GPR155: variants seen among roughly 807,000 people sequenced by gnomAD.
GPR155 encodes the protein lysosomal cholesterol signaling protein.
Under a neutral mutation model 93.1 loss-of-function variants are expected in GPR155, and 65 were observed. That is an observed-to-expected ratio of 0.70 (90% CI 0.57 to 0.86). The LOEUF is 0.86. Among genes scored for constraint, GPR155 ranks in the 40% least tolerant of loss-of-function variants. The pLI is 0.00. For missense variants in GPR155, 838 were observed against 1,034.8 expected, an observed-to-expected ratio of 0.81 and a Z score of 2.61; for synonymous variants, 319 against 360.1, an observed-to-expected ratio of 0.89 and a Z score of 1.29.
At chr2:174,440,915 T>C (rs146908054) in intron 14 of GPR155, among the ~76,000 whole-genome samples, 434 of 152,310 alleles carry the variant, frequency 2.8e-3, no homozygotes, top group African/African-American at 1.0e-2. Flanking sequence ...GTCAGTTTGA[T>C]AAAAAGAGAA....
At chr2:174,442,009 A>T (rs1686980589) in intron 14 of GPR155, 110 bp downstream of exon 14, 2 of 696,022 alleles carry the variant, frequency 2.9e-6, no homozygotes, top group African/African-American at 1.8e-5. Context: ...TGGCCTCCCA[A>T]AGTACTGGGA....
chr2:174,458,859 G>A (rs1240403729), intron 10 of GPR155, among the ~76,000 whole-genome samples: 8 of 152,024 alleles, frequency 5.3e-5, no homozygotes, highest in African/African-American at 9.7e-5. Flanking sequence ...AGGCCGAGGC[G>A]GGTGGATCAC....
At chr2:174,473,868 A>G (rs1688069104) in intron 2 of GPR155, among the ~76,000 whole-genome samples, 1 of 152,214 alleles carries the variant, frequency 6.6e-6, no homozygotes, top group Non-Finnish European at 1.5e-5. Flanking sequence ...GCTGTGTAAG[A>G]AAAGAAATGA....
chr2:174,462,213 C>T (rs1468468772), intron 7 of GPR155, among the ~76,000 whole-genome samples: 2 of 152,070 alleles, frequency 1.3e-5, no homozygotes, highest in Non-Finnish European at 2.9e-5. Flanking sequence ...GCTGGGATTA[C>T]AGGCATGAGC....
intron 4 of GPR155, among the ~76,000 whole-genome samples, chr2:174,469,622 A>G (rs1687936177): frequency 6.6e-6 from 1 of 152,192 alleles, no homozygotes; most frequent in Non-Finnish European, 1.5e-5. Context: ...GTTATTATGC[A>G]GTATTTTGCA....
At chr2:174,484,875 C>T (rs562334146) in intron 1 of GPR155, among the ~76,000 whole-genome samples, 52 of 152,272 alleles carry the variant, frequency 3.4e-4, no homozygotes, top group African/African-American at 1.2e-3. Flanking sequence ...GAGCCATGAT[C>T]ACACCACTGC....
rs759396641 is a variant in GPR155 at position 174,473,230 on chromosome 2, C to A, written c.595G>T (p.Ala199Ser). Residue 199 changes from alanine to serine, a missense_variant, in exon 3 of 16, where the codon GCT (alanine) becomes TCT (serine). Around this residue, in one of 3 missense-constraint regions of GPR155, gnomAD observed 663 missense variants for 790.1 expected, o/e 0.84. Transcript: ENST00000392552. ...ACAATTTTTATTTTATTTTGAGAAG[C>A]ATTTTGAGTGTCTTTCCACTTTTGG... ...EIQKWKDTQN[A>S]SQNKIKIVGL... 39 of 1,613,712 alleles carry A rather than the reference C, an allele frequency of 2.4e-5. No homozygotes were observed. Among genetic ancestry groups the A allele is most frequent in the Non-Finnish European group, 3.1e-5 (36 of 1,179,840 alleles).
At chr2:174,443,407 C>T (rs12478447) in intron 13 of GPR155, among the ~76,000 whole-genome samples, 5 of 152,096 alleles carry the variant, frequency 3.3e-5, no homozygotes, top group Admixed American at 3.3e-4. Context: ...TGACCTGATA[C>T]TCAGTCTGTG....
chr2:174,470,288 A>G (rs1221903381), intron 4 of GPR155, 102 bp downstream of exon 4: 34 of 988,306 alleles, frequency 3.4e-5, no homozygotes, highest in Non-Finnish European at 4.4e-6. Flanking sequence ...CGTCGTCTCT[A>G]TTTTTTCATT....
At chr2:174,476,759 T>C (rs1372119865) in intron 2 of GPR155, among the ~76,000 whole-genome samples, 1 of 152,196 alleles carries the variant, frequency 6.6e-6, no homozygotes, top group Admixed American at 6.5e-5. Flanking sequence ...CATTCATAAT[T>C]AGTAGTTCTT....
chr2:174,448,602 A>G (rs886641247), intron 11 of GPR155, among the ~76,000 whole-genome samples: 1 of 143,982 alleles, frequency 6.9e-6, no homozygotes, highest in Non-Finnish European at 1.5e-5. Flanking sequence ...CAGTGGCGCA[A>G]TCTCGGCTCA....
At chr2:174,475,051 T>C (rs1373454880) in intron 2 of GPR155, among the ~76,000 whole-genome samples, 1 of 151,678 alleles carries the variant, frequency 6.6e-6, no homozygotes, top group African/African-American at 2.4e-5. Context: ...ATCCCAGCAC[T>C]TTGGGAGGCC....
At chr2:174,439,635 T>G in intron 15 of GPR155, among the ~76,000 whole-genome samples, 1 of 152,216 alleles carries the variant, frequency 6.6e-6, no homozygotes, top group Non-Finnish European at 1.5e-5. Context: ...TTTGGTTCAC[T>G]CTAAACTGAA....
chr2:174,480,388 T>A (rs137930431), intron 2 of GPR155, among the ~76,000 whole-genome samples: 83 of 152,350 alleles, frequency 5.4e-4, no homozygotes, highest in Middle Eastern at 6.8e-3. Flanking sequence ...ACGAAACAGT[T>A]CCTTATGAGT....
rs147499359 is a variant in GPR155 at position 174,486,239 on chromosome 2, G to A, written c.-32+634C>T. Reference sequence around the variant, plus strand: ...CCCAGGGTAGGGAGCGCTGAGCACTGCCTCCTTGCCTCGTCTGCAGGGACA... The same window carrying A: ...CCCAGGGTAGGGAGCGCTGAGCACTACCTCCTTGCCTCGTCTGCAGGGACA... On this transcript the variant is annotated intron_variant, in intron 1 of 15. Coordinates refer to ENST00000392552, the MANE Select transcript of GPR155 (RefSeq NM_152529.7). 3.4e-3 allele frequency among the ~76,000 whole-genome samples: 514 copies of A among 152,258 alleles called. 3 individuals are homozygous for A. The highest frequency in any genetic ancestry group is 0.012 in the African/African-American group (479 of 41,550).
intron 11 of GPR155, among the ~76,000 whole-genome samples, chr2:174,453,299 G>A (rs1687380579): frequency 6.6e-6 from 1 of 152,086 alleles, no homozygotes; most frequent in Non-Finnish European, 1.5e-5. Flanking sequence ...CTTAATTGAG[G>A]ATCTATATTC....
chr2:174,454,164 G>C (rs532853396), intron 10 of GPR155, among the ~76,000 whole-genome samples: 1 of 152,306 alleles, frequency 6.6e-6, no homozygotes, highest in East Asian at 1.9e-4. Flanking sequence ...TTGAGGTGGA[G>C]TCTCACTCTG....
chr2:174,469,097 A>G, intron 4 of GPR155, 30 bp from the exon 5 acceptor site: 1 of 1,604,000 alleles, frequency 6.2e-7, no homozygotes, highest in Non-Finnish European at 8.5e-7. Flanking sequence ...CAGAGGAGTT[A>G]CAATCTCAAT....
At chr2:174,452,245 T>C (rs1687342644) in intron 11 of GPR155, among the ~76,000 whole-genome samples, 1 of 152,230 alleles carries the variant, frequency 6.6e-6, no homozygotes, top group Non-Finnish European at 1.5e-5. Context: ...ATGTTTTCAC[T>C]ACTTTTTATG....
Sources: allele counts gnomAD v4.1 joint callset (sites outside exome capture counted in the v4.1 genomes callset), GRCh38; gene constraint gnomAD v4.1.1; regional missense constraint gnomAD v4.1.1; transcripts MANE v1.5; gene names NCBI Gene and HGNC (gene_info 2026-07-23, HGNC 2026-07-21).